The following RBPJ variants were observed in gnomAD, a reference collection of about 807,000 sequenced individuals.
RBPJ encodes the protein recombining binding protein suppressor of hairless.
A neutral mutation model predicts 67.8 loss-of-function variants in RBPJ; 9 were observed. The ratio of observed to expected loss-of-function variants is 0.13; its 90% CI spans 0.08 to 0.23. The LOEUF is 0.23. Ranked by LOEUF, RBPJ falls within the 10% of genes least tolerant of loss-of-function variation. The pLI is 1.00. For missense variants in RBPJ, 305 were observed against 595.6 expected (o/e 0.51, Z 5.08); for synonymous variants, 198 against 203.3 (o/e 0.97, Z 0.22).
At chr4:26,366,052 GA>G (rs931939489) in intron 1 of RBPJ, among the ~76,000 whole-genome samples, 2 of 152,140 alleles carry the variant, frequency 1.3e-5, no homozygotes, top group Non-Finnish European at 2.9e-5. Context: ...TAATGAAACA[GA>G]AAAGAACAAA....
the RBPJ span, among the ~76,000 whole-genome samples, chr4:26,139,921 G>A: frequency 6.6e-6 from 1 of 152,178 alleles, no homozygotes. Flanking sequence ...CCCACCTGGA[G>A]CCTCTGTTCT....
intron 1 of RBPJ, among the ~76,000 whole-genome samples, chr4:26,295,267 T>TGTGTGTGTGTGTGG (rs1426997854): frequency 2.0e-5 from 3 of 151,784 alleles, no homozygotes; most frequent in Admixed American, 1.3e-4. Flanking sequence ...TGTGTGTGTG[T>TGTGTGTGTGTGTGG]GTGGGTGTGT....
Position 26,372,876 on chromosome 4 carries a change from C to T in RBPJ, c.21-13477C>T, listed in dbSNP as rs926965628. Reference sequence around the variant, plus strand: ...GCTGTTTTTTTCCCTTTCAGAGCCTCATGGCCTCCTGTGAGGCTTGAGTGA... The same window carrying T: ...GCTGTTTTTTTCCCTTTCAGAGCCTTATGGCCTCCTGTGAGGCTTGAGTGA... On this transcript the variant is annotated intron_variant, in intron 1 of 10. Coordinates refer to ENST00000355476, the MANE Select transcript of RBPJ (RefSeq NM_015874.6). Among the ~76,000 whole-genome samples, 20 of 152,278 alleles carry T rather than the reference C, an allele frequency of 1.3e-4. 1 individual carries two copies. The South Asian group carries it at 3.9e-3, about 30-fold the overall frequency.
intron 1 of RBPJ, among the ~76,000 whole-genome samples, chr4:26,198,816 C>A (rs992700651): frequency 6.6e-6 from 1 of 152,086 alleles, no homozygotes; most frequent in Non-Finnish European, 1.5e-5. Context: ...ATGAATGGTT[C>A]TTCCTGTTTC....
chr4:26,290,322 A>G (rs76073316), intron 1 of RBPJ, among the ~76,000 whole-genome samples: 2 of 148,934 alleles, frequency 1.3e-5, no homozygotes, highest in Non-Finnish European at 3.0e-5. Flanking sequence ...CTGTCTAAAA[A>G]AAAAAAAAAA....
intron 1 of RBPJ, among the ~76,000 whole-genome samples, chr4:26,191,180 AATATATAT>A (rs1245359104): frequency 1.9e-3 from 112 of 59,676 alleles, no homozygotes; most frequent in African/African-American, 4.1e-3. Flanking sequence ...AAAAAAAAAA[AATATATAT>A]ATATATATAT....
chr4:26,137,811 T>A, the RBPJ span, among the ~76,000 whole-genome samples: 1 of 152,166 alleles, frequency 6.6e-6, no homozygotes, highest in African/African-American at 2.4e-5. Flanking sequence ...CTGATTTCCA[T>A]TTGGGGGATT....
At chr4:26,250,950 G>T (rs564856141) in intron 1 of RBPJ, among the ~76,000 whole-genome samples, 1 of 152,248 alleles carries the variant, frequency 6.6e-6, no homozygotes, top group South Asian at 2.1e-4. Context: ...CCTGAGTCTG[G>T]GACTATATGA....
At chr4:26,343,736 CTTCTT>C in intron 1 of RBPJ, among the ~76,000 whole-genome samples, 1 of 74,500 alleles carries the variant, frequency 1.3e-5, no homozygotes, top group Admixed American at 1.3e-4. Flanking sequence ...TTCTTTCTTT[CTTCTT>C]TTTTTTTTTT....
the RBPJ span, among the ~76,000 whole-genome samples, chr4:26,152,035 TATA>T: frequency 6.6e-6 from 1 of 152,320 alleles, no homozygotes; most frequent in South Asian, 2.1e-4. Context: ...CAGTTGACAG[TATA>T]ATAAGATTCT....
In RBPJ at chr4:26,272,504, A is replaced by T. The variant is rs143219730; in HGVS notation, c.-166-89942A>T. 2.7e-3 allele frequency: 850 copies of T among 319,216 alleles called. 7 individuals are homozygous for T. Among genetic ancestry groups the T allele is most frequent in the African/African-American group, 0.017 (793 of 46,098 alleles). 19.8% of individuals were successfully genotyped at this position (319,216 alleles called of 1,614,324 possible). ...GAGGATCACTTGAGACCAGAAGTTCAAGGCTGCAATGAGCTGTGATCATGC... is the reference window on the plus strand; with the variant it reads ...GAGGATCACTTGAGACCAGAAGTTCTAGGCTGCAATGAGCTGTGATCATGC... On this transcript the variant is annotated intron_variant, in intron 1 of 4. Transcript: ENST00000512351.
intron 1 of RBPJ, among the ~76,000 whole-genome samples, chr4:26,214,602 CAGAG>C (rs1202103508): frequency 3.2e-4 from 30 of 93,098 alleles, no homozygotes; most frequent in African/African-American, 7.2e-4. Flanking sequence ...AGGGAGGAAA[CAGAG>C]AGAGAATGAA....
chr4:26,159,833 C>T (rs1010213543), upstream of RBPJ, among the ~76,000 whole-genome samples: 7 of 152,006 alleles, frequency 4.6e-5, no homozygotes, highest in African/African-American at 1.5e-4. Flanking sequence ...CCATGGCTTT[C>T]AAGATGGTAC....
At chr4:26,311,324 G>A (rs1431596337) in intron 1 of RBPJ, among the ~76,000 whole-genome samples, 1 of 152,040 alleles carries the variant, frequency 6.6e-6, no homozygotes, top group Admixed American at 6.6e-5. Flanking sequence ...ATCACTTGAG[G>A]TGAGGAGTTG....
intron 1 of RBPJ, among the ~76,000 whole-genome samples, chr4:26,375,071 G>A (rs7682753): frequency 1.1e-3 from 165 of 152,164 alleles, no homozygotes; most frequent in African/African-American, 3.9e-3. Context: ...GGGAGGCTGA[G>A]GCAGGGGGAT....
chr4:26,377,713 G>C (rs896523729), intron 1 of RBPJ, among the ~76,000 whole-genome samples: 1 of 152,126 alleles, frequency 6.6e-6, no homozygotes, highest in African/African-American at 2.4e-5. Flanking sequence ...TGCTTACTGA[G>C]ACATTTTTTT....
chr4:26,320,756 C>T (rs1560262437), upstream of RBPJ: 1 of 1,553,876 alleles, frequency 6.4e-7, no homozygotes, highest in South Asian at 1.2e-5. Context: ...GAGCGCTCCC[C>T]ATGGACCACA....
chr4:26,374,033 C>T (rs1353646145), intron 1 of RBPJ, among the ~76,000 whole-genome samples: 2 of 151,568 alleles, frequency 1.3e-5, no homozygotes, highest in African/African-American at 4.9e-5. Flanking sequence ...TTTCTCCTGC[C>T]TCAGCCTACT....
the RBPJ span, among the ~76,000 whole-genome samples, chr4:26,116,027 C>T: frequency 2.0e-5 from 3 of 152,050 alleles, no homozygotes; most frequent in African/African-American, 4.8e-5. Context: ...CAAAATAAAA[C>T]CATACCAAAG....
Sources: gnomAD v4.1 joint callset for allele counts (sites outside exome capture counted in the v4.1 genomes callset) on GRCh38, gnomAD v4.1.1 for gene constraint, MANE v1.5 for transcripts, NCBI Gene and HGNC (gene_info 2026-07-23, HGNC 2026-07-21) for gene names.